Variants in RNF220 observed in about 807,000 individuals in gnomAD.
The protein encoded by RNF220 is ring finger protein 220.
In RNF220, 7 loss-of-function variants were observed where a neutral mutation model predicts 67.1. That is an observed-to-expected ratio of 0.10 (90% CI 0.06 to 0.20). RNF220 has a LOEUF of 0.20. Among genes scored for constraint, RNF220 ranks in the 10% least tolerant of loss-of-function variants. The pLI, the probability that RNF220 is intolerant of heterozygous loss-of-function variation, is 1.00. For missense variants in RNF220, 565 were observed against 740.3 expected (o/e 0.76, Z 2.75); for synonymous variants, 270 against 283.2 (o/e 0.95, Z 0.47).
intron 2 of RNF220, among the ~76,000 whole-genome samples, chr1:44,440,400 A>G (rs990953314): frequency 1.6e-4 from 24 of 152,230 alleles, no homozygotes; most frequent in African/African-American, 5.3e-4. Context: ...TGAAGAGGAC[A>G]TGGCAAAGAA....
At chr1:44,545,000 G>A (rs12128562) in intron 2 of RNF220, among the ~76,000 whole-genome samples, 36,004 of 152,134 alleles carry the variant, frequency 0.24, 4,980 homozygotes, top group Non-Finnish European at 0.32. Flanking sequence ...GTCAAGCATG[G>A]CTCTAGACCC....
chr1:44,524,847 G>T (rs1660240646), intron 2 of RNF220, among the ~76,000 whole-genome samples: 1 of 152,212 alleles, frequency 6.6e-6, no homozygotes, highest in Admixed American at 6.5e-5. Context: ...GCTTGTCAGA[G>T]GTATTTAAGA....
At chr1:44,581,168 G>T (rs1458905997) in intron 2 of RNF220, among the ~76,000 whole-genome samples, 3 of 152,196 alleles carry the variant, frequency 2.0e-5, no homozygotes, top group African/African-American at 7.2e-5. Context: ...TCATCATACG[G>T]ACTCTGCACC....
At chr1:44,640,536 T>C (rs1644456861) in intron 8 of RNF220, among the ~76,000 whole-genome samples, 1 of 152,328 alleles carries the variant, frequency 6.6e-6, no homozygotes, top group Admixed American at 6.5e-5. Context: ...GGAGCAAGTA[T>C]CAATGGTTTT....
chr1:44,650,980 T>TG lies in RNF220; in HGVS notation c.*207dup. The stretch of plus-strand genomic sequence containing the variant: ...AGGCTGTGGCCCAGGCACTACCTGC[T>TG]GGCTCCCACCTATGGTTTGGGGGCC... On this transcript the variant is annotated 3_prime_UTR_variant, in exon 15 of 15. Coordinates refer to ENST00000361799, the MANE Select transcript of RNF220 (RefSeq NM_018150.4). The surrounding 1 kb of genome is among the most constrained non-coding windows in gnomAD (Gnocchi z 4.3). 1.8e-6 allele frequency: 1 copy of TG among 548,524 alleles called. No homozygotes were observed. Among genetic ancestry groups the TG allele is most frequent in the African/African-American group, 1.9e-5 (1 of 52,972 alleles). The allele number at this position is 548,524 out of a possible 1,614,324, so 34.0% of individuals were successfully genotyped here. A position where few individuals can be genotyped will look rare whatever the true frequency, so the allele number is the denominator to read the frequency against.
chr1:44,430,424 T>G (rs960356189), intron 2 of RNF220, among the ~76,000 whole-genome samples: 2 of 152,202 alleles, frequency 1.3e-5, no homozygotes, highest in African/African-American at 2.4e-5. Flanking sequence ...TCTACCATAT[T>G]ACTAATATAT....
intron 2 of RNF220, among the ~76,000 whole-genome samples, chr1:44,578,070 T>C (rs1001999699): frequency 4.6e-5 from 7 of 150,560 alleles, no homozygotes; most frequent in Non-Finnish European, 8.9e-5. Context: ...CCTCCCAAAG[T>C]GGCTCAGATG....
At position 44,650,407 on chromosome 1, in the gene RNF220, G is replaced by C; in HGVS notation, c.1630-297G>C. On this transcript the variant is annotated intron_variant, in intron 14 of 14. Transcript: ENST00000361799. This position sits in a 1 kb window ranked among gnomAD's most constrained non-coding sequence, Gnocchi z 4.3. ...GGCTCGGACGTGGGCTCTGTGTCCT[G>C]ATCAAAGGCCGCGTGTAATCTCGTT... 6 of 515,592 alleles carry C rather than the reference G, an allele frequency of 1.2e-5. No individual in the cohort carries two copies. The highest frequency in any genetic ancestry group is 1.4e-5 in the Non-Finnish European group (4 of 283,494). 31.9% of individuals were successfully genotyped at this position (515,592 alleles called of 1,614,324 possible). A position where few individuals can be genotyped will look rare whatever the true frequency, so the allele number is the denominator to read the frequency against.
chr1:44,412,200 A>G lies in RNF220; in HGVS notation c.103A>G (p.Ser35Gly). 1 of 1,614,222 alleles carries G rather than the reference A, an allele frequency of 6.2e-7. No individual in the cohort carries two copies. The highest frequency in any genetic ancestry group is 8.5e-7 in the Non-Finnish European group (1 of 1,180,036). The change falls in exon 2 of 15, where the codon AGC (serine) becomes GGC (glycine). Residue 35 changes from serine (S) to glycine (G), a missense_variant. Transcript: ENST00000361799. This position sits in a 1 kb window ranked among gnomAD's most constrained non-coding sequence, Gnocchi z 5.3. ...GGTCCTGGCATCCACGGCTGAGGCC[A>G]GCCGTGATGCTTCCATCCCTTGTCA... ...LMVLASTAEA[S>G]RDASIPCQQP...
chr1:44,412,007 A>G lies in RNF220; in HGVS notation c.-91A>G, dbSNP rs761860819. Reference sequence around the variant, plus strand: ...TCTTAGGAGGGAATGATTCCCCAGTAATATTCCCTGCCCTGACCCAAAGTG... The same window carrying G: ...TCTTAGGAGGGAATGATTCCCCAGTGATATTCCCTGCCCTGACCCAAAGTG... On this transcript the variant is annotated 5_prime_UTR_variant, in exon 2 of 15. An upstream open reading frame in the 5' UTR loses its in-frame stop. Transcript: ENST00000361799. The surrounding 1 kb of genome is among the most constrained non-coding windows in gnomAD (Gnocchi z 5.3). 24 of 1,410,304 alleles carry G rather than the reference A, an allele frequency of 1.7e-5. No individual in the cohort carries two copies. In the Admixed American group the frequency reaches 2.5e-4, roughly 15 times the overall value. 87.4% of individuals were successfully genotyped at this position (1,410,304 alleles called of 1,614,324 possible).
In RNF220 at chr1:44,560,290, G is replaced by C. The variant is rs1255805243; in HGVS notation, c.626-53875G>C. Among the ~76,000 whole-genome samples, 4 of 152,134 alleles carry C rather than the reference G, an allele frequency of 2.6e-5. No homozygotes were observed. In the East Asian group the frequency reaches 7.7e-4, roughly 29 times the overall value. On this transcript the variant is annotated intron_variant, in intron 2 of 14. Coordinates refer to ENST00000361799, the MANE Select transcript of RNF220 (RefSeq NM_018150.4). ...CTCTCCCCAGTTCAGATGTTGGAAG[G>C]GGAAAGAATCATGGTGTGACTGGAA... is the stretch of plus-strand genomic sequence containing the variant.
At chr1:44,593,127 G>T (rs866798664) in intron 2 of RNF220, among the ~76,000 whole-genome samples, 7 of 152,128 alleles carry the variant, frequency 4.6e-5, no homozygotes, top group African/African-American at 1.7e-4. Flanking sequence ...CCCAACACAG[G>T]CCCAAGCCTG....
chr1:44,501,669 C>A (rs1466462948), intron 2 of RNF220, among the ~76,000 whole-genome samples: 4 of 152,042 alleles, frequency 2.6e-5, no homozygotes, highest in Admixed American at 2.0e-4. Flanking sequence ...AAGTTCCCTC[C>A]CTCTCTCCCC....
At chr1:44,428,871 G>A (rs760801710) in intron 2 of RNF220, among the ~76,000 whole-genome samples, 10 of 151,932 alleles carry the variant, frequency 6.6e-5, no homozygotes, top group South Asian at 2.1e-4. Context: ...AGTTGGGGTC[G>A]GGGAAAGTTG....
intron 2 of RNF220, among the ~76,000 whole-genome samples, chr1:44,586,922 C>T (rs1665739504): frequency 6.6e-6 from 1 of 152,144 alleles, no homozygotes. Context: ...ACTCCTTTTA[C>T]ATGGGGTTCT....
chr1:44,582,215 C>G (rs911889109), intron 2 of RNF220, among the ~76,000 whole-genome samples: 1 of 152,176 alleles, frequency 6.6e-6, no homozygotes, highest in African/African-American at 2.4e-5. Context: ...ATGAGGGGAA[C>G]GGGAAAGAGA....
chr1:44,637,719 C>T (rs1382006940), intron 8 of RNF220, among the ~76,000 whole-genome samples: 2 of 152,232 alleles, frequency 1.3e-5, no homozygotes, highest in African/African-American at 2.4e-5. Context: ...TCTTAGGCCC[C>T]GGGCGGGTAT....
intron 2 of RNF220, among the ~76,000 whole-genome samples, chr1:44,560,156 G>A (rs1377265474): frequency 6.6e-6 from 1 of 152,218 alleles, no homozygotes; most frequent in East Asian, 1.9e-4. Context: ...GTGGGGAACT[G>A]GGTCTAAATC....
At chr1:44,564,153 G>T (rs1476695911) in intron 2 of RNF220, among the ~76,000 whole-genome samples, 1 of 152,210 alleles carries the variant, frequency 6.6e-6, no homozygotes, top group African/African-American at 2.4e-5. Flanking sequence ...TGGGGGACCA[G>T]AGAGTGGTAA....
Sources: gnomAD v4.1 joint callset for allele counts (sites outside exome capture counted in the v4.1 genomes callset) on GRCh38, gnomAD v4.1.1 for gene constraint, Gnocchi (gnomAD v3.1) non-coding constraint, MANE v1.5 for transcripts, NCBI Gene and HGNC (gene_info 2026-07-23, HGNC 2026-07-21) for gene names.